SETBP1: variants seen among roughly 807,000 people sequenced by gnomAD.
SETBP1 encodes SET-binding protein.
SETBP1 carries 9 observed loss-of-function variants against 101.0 expected under a neutral mutation model. That is an observed-to-expected ratio of 0.09 (90% CI 0.05 to 0.16). The LOEUF (loss-of-function observed/expected upper bound fraction) is 0.16, where lower values mean the gene tolerates loss of function less well. Ranked by LOEUF, SETBP1 falls within the 10% of genes least tolerant of loss-of-function variation. The pLI, the probability that SETBP1 is intolerant of heterozygous loss-of-function variation, is 1.00. For synonymous variants in SETBP1, 818 were observed against 788.5 expected, an observed-to-expected ratio of 1.04 and a Z score of -0.63; for missense variants, 1,858 against 2,033.8, an observed-to-expected ratio of 0.91 and a Z score of 1.66.
At chr18:44,914,889 C>T (rs1002895191) in intron 3 of SETBP1, among the ~76,000 whole-genome samples, 3 of 152,062 alleles carry the variant, frequency 2.0e-5, no homozygotes, top group African/African-American at 7.2e-5. Context: ...AGGACAGGTG[C>T]TTTTCAGCTG....
chr18:45,062,945 G>A (rs1043447243), intron 5 of SETBP1, 134 bp from the exon 6 acceptor site: 1 of 1,121,904 alleles, frequency 8.9e-7, no homozygotes, highest in Non-Finnish European at 1.3e-6. Flanking sequence ...TGCATCTTGG[G>A]CACGGAGACA....
intron 5 of SETBP1, among the ~76,000 whole-genome samples, chr18:45,046,775 A>G (rs1425829156): frequency 6.6e-6 from 1 of 152,246 alleles, no homozygotes; most frequent in East Asian, 1.9e-4. Context: ...AGTATTGGGC[A>G]TCTCAATTCC....
At chr18:44,861,434 G>T (rs1279589287) in intron 2 of SETBP1, among the ~76,000 whole-genome samples, 1 of 151,332 alleles carries the variant, frequency 6.6e-6, no homozygotes, top group Non-Finnish European at 1.5e-5. Context: ...TAGAGATGAG[G>T]TGTTAGCCAG....
intron 4 of SETBP1, among the ~76,000 whole-genome samples, chr18:45,008,584 T>A (rs914657436): frequency 1.3e-5 from 2 of 152,228 alleles, no homozygotes; most frequent in Admixed American, 1.3e-4. Flanking sequence ...TACTTTGGGT[T>A]CCAACTTTTT....
chr18:44,742,992 T>C, intron 2 of SETBP1, among the ~76,000 whole-genome samples: 1 of 147,726 alleles, frequency 6.8e-6, no homozygotes, highest in African/African-American at 2.5e-5. Context: ...CCGTTACCCC[T>C]TTCTGTCTCA....
chr18:45,060,776 T>G (rs562869432), intron 5 of SETBP1, among the ~76,000 whole-genome samples: 14 of 152,348 alleles, frequency 9.2e-5, no homozygotes, highest in African/African-American at 2.9e-4. Flanking sequence ...ATTTTGTTTT[T>G]GGGGTTTGTT....
chr18:44,995,692 G>A (rs1483111107), intron 4 of SETBP1, among the ~76,000 whole-genome samples: 5 of 152,116 alleles, frequency 3.3e-5, no homozygotes, highest in African/African-American at 1.2e-4. Context: ...CCAAAATCAA[G>A]ATGCTGGGAT....
At chr18:44,757,909 T>C (rs2070537661) in intron 2 of SETBP1, among the ~76,000 whole-genome samples, 5 of 152,142 alleles carry the variant, frequency 3.3e-5, no homozygotes, top group Admixed American at 3.3e-4. Flanking sequence ...ATGAGGAAAG[T>C]CTAAGTCCCA....
intron 2 of SETBP1, among the ~76,000 whole-genome samples, chr18:44,822,037 C>T (rs1200135633): frequency 6.6e-6 from 1 of 152,232 alleles, no homozygotes; most frequent in African/African-American, 2.4e-5. Context: ...TCACTTGTCT[C>T]TCCCTTTATT....
At chr18:44,899,075 A>C (rs1046388582) in intron 3 of SETBP1, among the ~76,000 whole-genome samples, 1 of 152,182 alleles carries the variant, frequency 6.6e-6, no homozygotes, top group African/African-American at 2.4e-5. Flanking sequence ...TTTAAGTGAC[A>C]GTGAGATAAG....
chr18:45,021,794 G>A (rs2073075382), intron 4 of SETBP1, among the ~76,000 whole-genome samples: 1 of 152,128 alleles, frequency 6.6e-6, no homozygotes, highest in Non-Finnish European at 1.5e-5. Flanking sequence ...AATCAAATAA[G>A]ATTTGATTTG....
At position 44,983,432 on chromosome 18, in the gene SETBP1, A is replaced by G. The variant is rs544281182; in HGVS notation, c.4000+30092A>G. Reference sequence around the variant, plus strand: ...GGACACTCTTACCCCCATTATACAAATCAGGGACATGAGGCATGGAGTGAA... The same window carrying G: ...GGACACTCTTACCCCCATTATACAAGTCAGGGACATGAGGCATGGAGTGAA... On this transcript the variant is annotated intron_variant, in intron 4 of 5. Transcript: ENST00000649279. 2.2e-4 allele frequency among the ~76,000 whole-genome samples: 34 copies of G among 152,282 alleles called. No homozygotes were observed. The South Asian group carries it at 3.9e-3, about 18-fold the overall frequency.
chr18:44,989,377 C>T (rs2072306121), intron 4 of SETBP1, among the ~76,000 whole-genome samples: 1 of 152,004 alleles, frequency 6.6e-6, no homozygotes, highest in African/African-American at 2.4e-5. Flanking sequence ...ATTTGCTGAA[C>T]TGGAAGATAG....
At chr18:44,869,730 G>A in intron 3 of SETBP1, 1 of 274,304 alleles carries the variant, frequency 3.6e-6, no homozygotes, top group South Asian at 4.1e-5. Context: ...TCCTGCAGAG[G>A]CAGACAGTTG....
chr18:44,927,411 C>G (rs1182812611), intron 3 of SETBP1, among the ~76,000 whole-genome samples: 2 of 152,176 alleles, frequency 1.3e-5, no homozygotes, highest in Non-Finnish European at 2.9e-5. Flanking sequence ...AGCACCCTCA[C>G]CCCAAAGCAC....
intron 2 of SETBP1, among the ~76,000 whole-genome samples, chr18:44,760,828 C>T (rs767583605): frequency 1.1e-4 from 16 of 152,002 alleles, no homozygotes; most frequent in Non-Finnish European, 1.6e-4. Flanking sequence ...TTCCACCATG[C>T]CATCTTCAGT....
At position 44,952,704 on chromosome 18, in the gene SETBP1, A is replaced by T. The variant is rs756393375; in HGVS notation, c.3364A>T (p.Ser1122Cys). The T allele has an allele frequency of 7.4e-6, 12 of 1,614,040 alleles. No homozygotes were observed. Among genetic ancestry groups the T allele is most frequent in the Non-Finnish European group, 1.0e-5 (12 of 1,180,034 alleles). Residue 1122 changes from serine (S) to cysteine (C), a missense_variant, in exon 4 of 6, where the codon AGC becomes TGC. This residue lies in a region of SETBP1 where 417 missense variants were observed against 389.1 expected (regional missense o/e 1.07). Transcript: ENST00000649279. Reference sequence around the variant, plus strand: ...TGGAGTACACCTGCAGGGACCTGTTAGCATGGGCCTTGGTGACATGCAGCC... The same window carrying T: ...TGGAGTACACCTGCAGGGACCTGTTTGCATGGGCCTTGGTGACATGCAGCC... ...KHGVHLQGPV[S>C]MGLGDMQPSL...
chr18:44,987,774 C>T (rs1256693764), intron 4 of SETBP1: 1 of 152,210 alleles, frequency 6.6e-6, no homozygotes, highest in Non-Finnish European at 1.5e-5. Flanking sequence ...CCTAGTCTCT[C>T]ACCCTGTTTA....
intron 2 of SETBP1, among the ~76,000 whole-genome samples, chr18:44,792,600 T>A (rs1183639344): frequency 6.6e-6 from 1 of 152,120 alleles, no homozygotes; most frequent in Non-Finnish European, 1.5e-5. Context: ...CCCACGTTCC[T>A]CCCCCTGCTG....
Sources: gnomAD v4.1 joint callset for allele counts (sites outside exome capture counted in the v4.1 genomes callset) on GRCh38, gnomAD v4.1.1 for gene constraint, gnomAD v4.1.1 regional missense constraint, MANE v1.5 for transcripts, NCBI Gene and HGNC (gene_info 2026-07-23, HGNC 2026-07-21) for gene names.